FOXN3: variants seen among roughly 807,000 people sequenced by gnomAD.
FOXN3 encodes forkhead box protein N3.
FOXN3 carries 7 observed loss-of-function variants against 38.4 expected under a neutral mutation model. The observed-to-expected ratio is 0.18, with a 90% CI of 0.10 to 0.34. The LOEUF is 0.34. FOXN3 is among the 10% of genes least tolerant of loss of function. The pLI is 1.00. For missense variants in FOXN3, 456 were observed against 613.4 expected (o/e 0.74, Z 2.71); for synonymous variants, 230 against 242.2 (o/e 0.95, Z 0.47).
At chr14:89,225,798 CGTG>C (rs894450390) in intron 4 of FOXN3, among the ~76,000 whole-genome samples, 13 of 152,006 alleles carry the variant, frequency 8.6e-5, no homozygotes, top group African/African-American at 3.1e-4. Context: ...CTGTTAGGAT[CGTG>C]TGTAACATAA....
intron 2 of FOXN3, among the ~76,000 whole-genome samples, chr14:89,357,608 CA>C (rs920632343): frequency 9.9e-4 from 128 of 129,760 alleles, no homozygotes; most frequent in Middle Eastern, 4.0e-3. Context: ...AACTCCATCT[CA>C]AAAAAAAAAA....
At chr14:89,336,025 T>A (rs772337934) in intron 3 of FOXN3, among the ~76,000 whole-genome samples, 1 of 152,058 alleles carries the variant, frequency 6.6e-6, no homozygotes, top group Non-Finnish European at 1.5e-5. Flanking sequence ...ATGGTGAGGT[T>A]TGACTCTCTT....
At chr14:89,364,277 G>C (rs1890061793) in intron 2 of FOXN3, 1 of 148,960 alleles carries the variant, frequency 6.7e-6, no homozygotes, top group Non-Finnish European at 1.5e-5. Context: ...AAAAAAGATT[G>C]CTGTAATAAC....
At chr14:89,528,477 A>G (rs1596308267) in intron 1 of FOXN3, among the ~76,000 whole-genome samples, 1 of 136,348 alleles carries the variant, frequency 7.3e-6, no homozygotes, top group Admixed American at 8.5e-5. Context: ...GCTCACCGCA[A>G]CCTCCGCCTC....
At chr14:89,365,248 C>G (rs989837501) in intron 2 of FOXN3, among the ~76,000 whole-genome samples, 20 of 152,020 alleles carry the variant, frequency 1.3e-4, no homozygotes, top group Admixed American at 1.1e-3. Flanking sequence ...TGTCACCTCC[C>G]GAGGCTGACA....
rs1306238393 is a variant in FOXN3, at chr14:89,551,025, T to C, written c.-15+68003A>G. ...CTGGCTCGCCTTAAAAGAAAGAAAC[T>C]CTTTCAGAGAGCAGAGCCCTTAAAC... is the stretch of plus-strand genomic sequence containing the variant. On this transcript the variant is annotated intron_variant, in intron 1 of 6. Coordinates refer to the FOXN3 transcript ENST00000345097. Among the ~76,000 whole-genome samples, 3 of 152,188 alleles carry C rather than the reference T, an allele frequency of 2.0e-5. No homozygotes were observed. The East Asian group carries it at 5.8e-4, about 29-fold the overall frequency.
At chr14:89,427,942 T>C (rs1339202093) in intron 1 of FOXN3, among the ~76,000 whole-genome samples, 2 of 152,132 alleles carry the variant, frequency 1.3e-5, no homozygotes, top group Non-Finnish European at 2.9e-5. Context: ...ATTTTCCTCC[T>C]CCAAAGTTTT....
At chr14:89,383,673 T>TTCCTCTCCTC (rs201537996) in intron 2 of FOXN3, among the ~76,000 whole-genome samples, 25 of 152,156 alleles carry the variant, frequency 1.6e-4, no homozygotes, top group East Asian at 1.5e-3. Context: ...TCTGTTTCCT[T>TTCCTCTCCTC]TCCTCTCCTC....
At chr14:89,607,782 T>C (rs1896302592) in intron 1 of FOXN3, among the ~76,000 whole-genome samples, 1 of 151,420 alleles carries the variant, frequency 6.6e-6, no homozygotes, top group African/African-American at 2.4e-5. Flanking sequence ...GATGATAAAA[T>C]CTGGTAAAAT....
At chr14:89,446,504 T>C (rs1892504524) in intron 1 of FOXN3, among the ~76,000 whole-genome samples, 1 of 152,138 alleles carries the variant, frequency 6.6e-6, no homozygotes, top group Admixed American at 6.6e-5. Flanking sequence ...AGTCACTTTT[T>C]TAAGAAATTA....
chr14:89,190,519 C>G (rs1165699605), intron 4 of FOXN3: 5 of 1,312,690 alleles, frequency 3.8e-6, no homozygotes, highest in Non-Finnish European at 5.4e-6. Flanking sequence ...TTTCCCCCTG[C>G]AAGTTACAGT....
intron 1 of FOXN3, among the ~76,000 whole-genome samples, chr14:89,618,771 G>A (rs1030716933): frequency 1.5e-4 from 20 of 135,558 alleles, no homozygotes; most frequent in Admixed American, 8.4e-4. Flanking sequence ...ACATTCCTAA[G>A]AAACTTTTTT....
At chr14:89,599,654 T>TAG (rs1896121852) in intron 1 of FOXN3, among the ~76,000 whole-genome samples, 2 of 152,208 alleles carry the variant, frequency 1.3e-5, no homozygotes, top group African/African-American at 2.4e-5. Context: ...ACTACAGTGA[T>TAG]AACCTGAGTT....
chr14:89,454,257 T>C (rs1043412828), intron 1 of FOXN3, among the ~76,000 whole-genome samples: 2 of 152,092 alleles, frequency 1.3e-5, no homozygotes, highest in African/African-American at 4.8e-5. Context: ...TGAGCCGAGA[T>C]TGCACCACTG....
intron 3 of FOXN3, among the ~76,000 whole-genome samples, chr14:89,295,016 G>C (rs1886993201): frequency 6.6e-6 from 1 of 152,090 alleles, no homozygotes; most frequent in Non-Finnish European, 1.5e-5. Flanking sequence ...GGCAGGGTGA[G>C]AGCCAATCGG....
chr14:89,611,637 T>C (rs1367658656), intron 1 of FOXN3, among the ~76,000 whole-genome samples: 3 of 151,866 alleles, frequency 2.0e-5, no homozygotes, highest in Non-Finnish European at 2.9e-5. Flanking sequence ...AAACCCCGTC[T>C]CTACTAAAAA....
chr14:89,513,926 A>ACG (rs1229399977), intron 1 of FOXN3, among the ~76,000 whole-genome samples: 5 of 149,100 alleles, frequency 3.4e-5, no homozygotes, highest in African/African-American at 1.2e-4. Flanking sequence ...ACACACACAC[A>ACG]CACGCACGCA....
intron 1 of FOXN3, among the ~76,000 whole-genome samples, chr14:89,559,696 A>T (rs1596317673): frequency 6.6e-6 from 1 of 152,142 alleles, no homozygotes; most frequent in East Asian, 1.9e-4. Context: ...GTAGCAAATA[A>T]AATAAAATTT....
At chr14:89,366,296 C>G (rs1017540670) in intron 2 of FOXN3, among the ~76,000 whole-genome samples, 1 of 151,632 alleles carries the variant, frequency 6.6e-6, no homozygotes, top group Non-Finnish European at 1.5e-5. Context: ...AAAAAACATG[C>G]ACATTTGAAA....
Sources: gnomAD v4.1 joint callset for allele counts (sites outside exome capture counted in the v4.1 genomes callset) on GRCh38, gnomAD v4.1.1 for gene constraint, MANE v1.5 for transcripts, NCBI Gene and HGNC (gene_info 2026-07-23, HGNC 2026-07-21) for gene names.